PCDHGA5: variants seen among roughly 807,000 people sequenced by gnomAD.
The protein encoded by PCDHGA5 is protocadherin gamma-A5.
Under a neutral mutation model 56.7 loss-of-function variants are expected in PCDHGA5, and 36 were observed. The observed-to-expected ratio is 0.64, with a 90% CI of 0.49 to 0.84. PCDHGA5 has a LOEUF of 0.84. PCDHGA5 is among the 40% of genes least tolerant of loss of function. PCDHGA5 has a pLI of 0.00. For missense variants in PCDHGA5, 1,305 were observed against 1,201.5 expected, an observed-to-expected ratio of 1.09 and a Z score of -1.27; for synonymous variants, 563 against 520.2, an observed-to-expected ratio of 1.08 and a Z score of -1.12.
chr5:141,376,384 T>C (rs1588802430), intron 1 of PCDHGA5: 13 of 1,614,204 alleles, frequency 8.1e-6, no homozygotes, highest in Middle Eastern at 1.7e-4. Context: ...GTAAGAGTCA[T>C]CTGATTTTCC....
intron 1 of PCDHGA5, chr5:141,379,532 T>C (rs547960333): frequency 7.9e-5 from 12 of 152,376 alleles, no homozygotes; most frequent in African/African-American, 2.9e-4. Context: ...TTTGTTGTTA[T>C]AGGGAAAGCT....
intron 1 of PCDHGA5, among the ~76,000 whole-genome samples, chr5:141,373,691 T>G (rs1588722666): frequency 6.6e-6 from 1 of 152,234 alleles, no homozygotes; most frequent in Admixed American, 6.5e-5. Flanking sequence ...TCAGAGAACA[T>G]TTAAAATTAT....
chr5:141,376,506 A>C (rs773992139), intron 1 of PCDHGA5: 1 of 1,614,126 alleles, frequency 6.2e-7, no homozygotes, highest in African/African-American at 1.3e-5. Flanking sequence ...AGGCAACTTC[A>C]GGTGAGTTTC....
intron 2 of PCDHGA5, among the ~76,000 whole-genome samples, chr5:141,496,991 G>T (rs1164558685): frequency 6.6e-6 from 1 of 151,902 alleles, no homozygotes; most frequent in African/African-American, 2.4e-5. Context: ...TTTGAGACCA[G>T]CCTGGCAGCC....
intron 1 of PCDHGA5, chr5:141,415,938 C>T (rs1351429284): frequency 3.4e-6 from 2 of 588,200 alleles, no homozygotes; most frequent in East Asian, 4.2e-5. Context: ...ATATTTCCTC[C>T]TGGGTGGTCA....
intron 1 of PCDHGA5, among the ~76,000 whole-genome samples, chr5:141,473,965 A>C (rs925515548): frequency 1.1e-4 from 16 of 152,206 alleles, no homozygotes; most frequent in African/African-American, 3.9e-4. Flanking sequence ...TCTACTTAGA[A>C]GTCTGAGGCG....
At chr5:141,426,514 G>A (rs867794856) in intron 1 of PCDHGA5, 22 of 340,738 alleles carry the variant, frequency 6.5e-5, no homozygotes, top group Non-Finnish European at 8.2e-5. Context: ...ATACTTTACC[G>A]TGAACACGGA....
At position 141,414,898 on chromosome 5, in the gene PCDHGA5, G is replaced by A. The variant is rs1369274783; in HGVS notation, c.2421+48147G>A. On this transcript the variant is annotated intron_variant, in intron 1 of 3. Coordinates refer to ENST00000518069, the MANE Select transcript of PCDHGA5 (RefSeq NM_018918.3). ...CCTGTACCCCGCCCTCCCCACAGAC[G>A]GTTCCACAGGCGTGGAGCTGGCGCC... is the stretch of plus-strand genomic sequence containing the variant. 2.5e-6 allele frequency: 4 copies of A among 1,614,190 alleles called. No individual in the cohort carries two copies. Among genetic ancestry groups the A allele is most frequent in the Admixed American group, 1.7e-5 (1 of 60,028 alleles).
intron 2 of PCDHGA5, among the ~76,000 whole-genome samples, chr5:141,495,107 AC>A (rs1422274779): frequency 1.3e-5 from 2 of 152,048 alleles, no homozygotes; most frequent in Non-Finnish European, 2.9e-5. Context: ...CACGACCGGC[AC>A]CTTTTCCTAT....
chr5:141,383,755 C>T, intron 1 of PCDHGA5: 1 of 1,613,958 alleles, frequency 6.2e-7, no homozygotes, highest in Non-Finnish European at 8.5e-7. Context: ...GAAAATAACT[C>T]CTAAACTTCC....
At chr5:141,371,597 A>C (rs982667859) in intron 1 of PCDHGA5, 7 of 1,613,908 alleles carry the variant, frequency 4.3e-6, no homozygotes, top group Non-Finnish European at 5.9e-6. Flanking sequence ...CCAAAAACAC[A>C]TACAGGTTGG....
chr5:141,489,467 C>G lies in PCDHGA5; in HGVS notation c.2422-5340C>G. 1 of 1,614,076 alleles carries G rather than the reference C, an allele frequency of 6.2e-7. No individual in the cohort carries two copies. The highest frequency in any genetic ancestry group is 8.5e-7 in the Non-Finnish European group (1 of 1,180,026). Reference sequence around the variant, plus strand: ...TCTGAGGAGAATGGGCGCTATTTTTCCCTGAGCTTGATGAGTGGTGCCCTG... The same window carrying G: ...TCTGAGGAGAATGGGCGCTATTTTTGCCTGAGCTTGATGAGTGGTGCCCTG... On this transcript the variant is annotated intron_variant, in intron 1 of 3. Transcript: ENST00000518069. The surrounding 1 kb of genome is among the most constrained non-coding windows in gnomAD (Gnocchi z 4.5).
intron 1 of PCDHGA5, chr5:141,391,220 T>C (rs1189350408): frequency 6.6e-6 from 1 of 152,208 alleles, no homozygotes; most frequent in South Asian, 2.1e-4. Context: ...GAACATTATA[T>C]GAGCCTTTTG....
Position 141,491,994 on chromosome 5 carries a change from C to T in PCDHGA5, c.2422-2813C>T. On this transcript the variant is annotated intron_variant, in intron 1 of 3. Transcript: ENST00000518069. This position sits in a 1 kb window ranked among gnomAD's most constrained non-coding sequence, Gnocchi z 6.9. ...CCTCCTTCGAGCTTCCGGTGAATTT[C>T]GGGCGATTTCCGCGGGTGTCGGGGG... The T allele has an allele frequency of 4.3e-6, 3 of 693,016 alleles. No individual in the cohort carries two copies. The allele number at this position is 693,016 out of a possible 1,614,324, so 42.9% of individuals were successfully genotyped here.
Position 141,431,534 on chromosome 5 carries a change from A to G in PCDHGA5, c.2422-63273A>G, listed in dbSNP as rs1331176313. Reference sequence around the variant, plus strand: ...CGTTCCGGAGAATCTGGCCTTGGGCACGCAGCTGCTTGTAGTCAACGCTAC... The same window carrying G: ...CGTTCCGGAGAATCTGGCCTTGGGCGCGCAGCTGCTTGTAGTCAACGCTAC... On this transcript the variant is annotated intron_variant, in intron 1 of 3. Coordinates refer to ENST00000518069, the MANE Select transcript of PCDHGA5 (RefSeq NM_018918.3). This position sits in a 1 kb window ranked among gnomAD's most constrained non-coding sequence, Gnocchi z 4.8. The G allele has an allele frequency of 1.2e-6, 2 of 1,614,110 alleles. No individual in the cohort carries two copies. The highest frequency in any genetic ancestry group is 8.5e-7 in the Non-Finnish European group (1 of 1,180,042).
intron 1 of PCDHGA5, among the ~76,000 whole-genome samples, chr5:141,436,531 G>T (rs1365651055): frequency 6.6e-6 from 1 of 152,152 alleles, no homozygotes; most frequent in African/African-American, 2.4e-5. Context: ...CCTTTAGCAA[G>T]TTATTTAATC....
intron 1 of PCDHGA5, among the ~76,000 whole-genome samples, chr5:141,462,903 T>A (rs1455334521): frequency 6.6e-6 from 1 of 152,208 alleles, no homozygotes; most frequent in Non-Finnish European, 1.5e-5. Context: ...GGAAGGCTAT[T>A]ATGTTTTTTG....
In PCDHGA5 at chr5:141,415,612, G is replaced by A. The variant is rs745660439; in HGVS notation, c.2421+48861G>A. 12 of 1,612,854 alleles carry A rather than the reference G, an allele frequency of 7.4e-6. No homozygotes were observed. The South Asian group carries it at 1.2e-4, about 16-fold the overall frequency. ...TATAGAGGATACCCCATTGGTTCCA[G>A]TGAGTTTTATTTTCATTTTTACTTT... On this transcript the variant is annotated intron_variant, in intron 1 of 3. Transcript: ENST00000518069.
chr5:141,389,560 G>C (rs1323439261), intron 1 of PCDHGA5: 2 of 1,613,106 alleles, frequency 1.2e-6, no homozygotes, highest in South Asian at 1.1e-5. Context: ...AATGCGCCAC[G>C]GGTGCTGTAC....
Sources: gnomAD v4.1 joint callset for allele counts (sites outside exome capture counted in the v4.1 genomes callset) on GRCh38, gnomAD v4.1.1 for gene constraint, Gnocchi (gnomAD v3.1) non-coding constraint, MANE v1.5 for transcripts, NCBI Gene and HGNC (gene_info 2026-07-23, HGNC 2026-07-21) for gene names.